RAD51B: variants seen among roughly 807,000 people sequenced by gnomAD.
The protein encoded by RAD51B is DNA repair protein RAD51 homolog 2.
A neutral mutation model predicts 42.2 loss-of-function variants in RAD51B; 38 were observed. That is an observed-to-expected ratio of 0.90 (90% CI 0.70 to 1.18). The LOEUF (loss-of-function observed/expected upper bound fraction) is 1.18, where lower values mean the gene tolerates loss of function less well. RAD51B is among the 50% of genes most tolerant of loss of function. The probability of loss-of-function intolerance (pLI) is 0.00; values close to 1 mark genes in which losing one functional copy is unlikely to be tolerated. For missense variants in RAD51B, 373 were observed against 400.7 expected (o/e 0.93, Z 0.59); for synonymous variants, 154 against 145.2 (o/e 1.06, Z -0.43).
At chr14:68,169,254 A>C (rs2078817672) in intron 7 of RAD51B, among the ~76,000 whole-genome samples, 1 of 152,168 alleles carries the variant, frequency 6.6e-6, no homozygotes, top group Admixed American at 6.6e-5. Context: ...ACAGTATAAA[A>C]GGGCAAGGGA....
At position 68,606,710 on chromosome 14, in the gene RAD51B, A is replaced by C. The variant is rs10151438; in HGVS notation, c.1037-4296A>C. ...TTTGGAAGGAATCGCATCTTAGACG[A>C]AAACCTAGGCACAGAGAAGTTAAGC... On this transcript the variant is annotated intron_variant, in intron 10 of 10. Coordinates refer to the RAD51B transcript ENST00000487861. Among the ~76,000 whole-genome samples, 212 of 152,334 alleles carry C rather than the reference A, an allele frequency of 1.4e-3. 2 individuals are homozygous for C. The highest frequency in any genetic ancestry group is 3.8e-3 in the African/African-American group (158 of 41,578).
intron 10 of RAD51B, among the ~76,000 whole-genome samples, chr14:68,517,392 T>C (rs1437288386): frequency 6.6e-6 from 1 of 152,188 alleles, no homozygotes; most frequent in Non-Finnish European, 1.5e-5. Flanking sequence ...CCCTGTAAGT[T>C]TGTAGCAGTG....
chr14:68,397,870 C>A (rs2140037327), intron 8 of RAD51B, among the ~76,000 whole-genome samples: 1 of 152,318 alleles, frequency 6.6e-6, no homozygotes, highest in South Asian at 2.1e-4. Context: ...ACTGGGATTG[C>A]CTCCACCAAA....
chr14:68,008,228 C>T (rs73284218), intron 7 of RAD51B, among the ~76,000 whole-genome samples: 1,550 of 151,930 alleles, frequency 0.01, 28 homozygotes, highest in African/African-American at 0.036. Flanking sequence ...AATTTATAAT[C>T]AGCAAGAGGA....
At position 67,822,739 on chromosome 14, in the gene RAD51B, CTA is replaced by C. The variant is rs889717156; in HGVS notation, c.-2-793_-2-792del. On this transcript the variant is annotated intron_variant, in intron 1 of 10. Coordinates refer to ENST00000471583, the MANE Select transcript of RAD51B (RefSeq NM_133510.4). ...CCTGTCTCGCTCTCTCTCTCTCTCT[CTA>C]TATATATATTTAAAAAGAACATTTT... Among the ~76,000 whole-genome samples the C allele has an allele frequency of 4.0e-5, 6 of 149,148 alleles. No homozygotes were observed. The Admixed American group carries it at 4.1e-4, about 10-fold the overall frequency.
In RAD51B at chr14:67,825,569, A is replaced by G. The variant is rs1284229558; in HGVS notation, c.190A>G (p.Met64Val). 1.9e-6 allele frequency: 3 copies of G among 1,594,962 alleles called. No homozygotes were observed. Among genetic ancestry groups the G allele is most frequent in the Admixed American group, 1.7e-5 (1 of 58,330 alleles). ...GGTCAGCAGGGCCTGTGCCCCAAAG[A>G]TGCAAACGGTATATTTATATTTTAT... is the stretch of plus-strand genomic sequence containing the variant. ...CMVSRACAPK[M>V]QTAYGIKAQR... The change falls in exon 3 of 11, where the codon ATG (methionine) becomes GTG (valine). Residue 64 changes from methionine to valine, a missense_variant. Physicochemically the swap from Met to Val is conservative, Grantham distance 21. Transcript: ENST00000471583.
chr14:67,948,931 C>CAAAAAAAAAAAAAAA (rs59465805), intron 7 of RAD51B, among the ~76,000 whole-genome samples: 8 of 17,056 alleles, frequency 4.7e-4, no homozygotes, highest in East Asian at 2.4e-3. Context: ...GACTCTGTCT[C>CAAAAAAAAAAAAAAA]AAAAAAAAAA....
At chr14:68,400,903 T>A (rs1594784224) in intron 8 of RAD51B, among the ~76,000 whole-genome samples, 1 of 152,236 alleles carries the variant, frequency 6.6e-6, no homozygotes, top group East Asian at 1.9e-4. Context: ...CAGGATTTTT[T>A]TTTTCCTTTC....
chr14:68,459,446 G>A (rs529943276), intron 9 of RAD51B, among the ~76,000 whole-genome samples: 6 of 152,320 alleles, frequency 3.9e-5, no homozygotes, highest in African/African-American at 1.4e-4. Flanking sequence ...ACTTACCAAT[G>A]GGTTTTATTA....
chr14:68,227,666 G>A (rs2080065930), intron 7 of RAD51B, among the ~76,000 whole-genome samples: 1 of 152,054 alleles, frequency 6.6e-6, no homozygotes, highest in Non-Finnish European at 1.5e-5. Flanking sequence ...TTTTTAAATT[G>A]TGCTTTTTTC....
chr14:68,542,273 T>C (rs1325454707), intron 10 of RAD51B, among the ~76,000 whole-genome samples: 1 of 152,192 alleles, frequency 6.6e-6, no homozygotes, highest in Non-Finnish European at 1.5e-5. Flanking sequence ...TCTTGTTACA[T>C]GCAAATATTT....
chr14:68,243,311 A>T (rs1490840581), intron 7 of RAD51B, among the ~76,000 whole-genome samples: 1 of 151,948 alleles, frequency 6.6e-6, no homozygotes, highest in Non-Finnish European at 1.5e-5. Context: ...AGCATTATTC[A>T]TATTTTTCCC....
chr14:68,594,623 C>G (rs1424190151), exon 11 of RAD51B: 13 of 1,281,314 alleles, frequency 1.0e-5, no homozygotes, highest in Non-Finnish European at 1.3e-5. Context: ...GAGGTGGGGT[C>G]TCATTATGTT....
chr14:68,131,477 C>T (rs2077889349), intron 7 of RAD51B, among the ~76,000 whole-genome samples: 1 of 152,126 alleles, frequency 6.6e-6, no homozygotes, highest in Non-Finnish European at 1.5e-5. Flanking sequence ...AGGCTGATCA[C>T]CTGAGGTCAG....
In RAD51B at chr14:68,565,234, G is replaced by A. The variant is rs1173486596; in HGVS notation, c.1037-29251G>A. ...AGTGCCTTTGAAGTCAGCAGCAACC[G>A]CAGCAGGCTCAGCTGTGAGGGTGTG... On this transcript the variant is annotated intron_variant, in intron 10 of 10. Coordinates refer to the RAD51B transcript ENST00000487270. The surrounding 1 kb of genome is among the most constrained non-coding windows in gnomAD (Gnocchi z 4.1). 1.3e-5 allele frequency among the ~76,000 whole-genome samples: 2 copies of A among 152,200 alleles called. No individual in the cohort carries two copies. Among genetic ancestry groups the A allele is most frequent in the Admixed American group, 6.5e-5 (1 of 15,282 alleles).
intron 7 of RAD51B, among the ~76,000 whole-genome samples, chr14:67,888,841 A>C (rs1259103491): frequency 6.6e-6 from 1 of 152,200 alleles, no homozygotes; most frequent in East Asian, 1.9e-4. Context: ...TGGTATCTGC[A>C]GAGGAGTCCT....
chr14:68,470,265 C>T (rs941085336), intron 10 of RAD51B, among the ~76,000 whole-genome samples: 2 of 152,100 alleles, frequency 1.3e-5, no homozygotes, highest in African/African-American at 4.8e-5. Flanking sequence ...TTTCTCTATC[C>T]CACTCCCCCA....
intron 8 of RAD51B, among the ~76,000 whole-genome samples, chr14:68,309,982 CAT>C (rs1418861233): frequency 1.3e-5 from 2 of 152,140 alleles, no homozygotes; most frequent in African/African-American, 4.8e-5. Context: ...TCATGGGAAA[CAT>C]AATTTGAGGA....
At chr14:68,624,895 GGA>G in intron 10 of RAD51B, among the ~76,000 whole-genome samples, 1 of 152,200 alleles carries the variant, frequency 6.6e-6, no homozygotes, top group Admixed American at 6.5e-5. Flanking sequence ...ACATAGGATA[GGA>G]GCCGGTGGTT....
Sources: gnomAD v4.1 joint callset for allele counts (sites outside exome capture counted in the v4.1 genomes callset) on GRCh38, gnomAD v4.1.1 for gene constraint, Gnocchi (gnomAD v3.1) non-coding constraint, MANE v1.5 for transcripts, NCBI Gene and HGNC (gene_info 2026-07-23, HGNC 2026-07-21) for gene names.